HHAT: variants seen among roughly 807,000 people sequenced by gnomAD.
HHAT encodes hedgehog acyltransferase, also known as protein-cysteine N-palmitoyltransferase HHAT.
HHAT carries 47 observed loss-of-function variants against 70.8 expected under a neutral mutation model. The observed-to-expected ratio is 0.66, with a 90% confidence interval of 0.53 to 0.85. The LOEUF (loss-of-function observed/expected upper bound fraction) is 0.85. Among genes scored for constraint, HHAT ranks in the 40% least tolerant of loss-of-function variants. The probability of loss-of-function intolerance (pLI) is 0.00; values close to 1 mark genes in which losing one functional copy is unlikely to be tolerated. For missense variants in HHAT, 609 were observed against 604.8 expected, an observed-to-expected ratio of 1.01 and a Z score of -0.07; for synonymous variants, 228 against 247.6, an observed-to-expected ratio of 0.92 and a Z score of 0.74.
chr1:210,656,978 C>CAA (rs1676569224), intron 11 of HHAT, among the ~76,000 whole-genome samples: 2 of 152,226 alleles, frequency 1.3e-5, no homozygotes, highest in Non-Finnish European at 2.9e-5. Context: ...CACACCCCTT[C>CAA]TTGTACAGGA....
intron 6 of HHAT, among the ~76,000 whole-genome samples, chr1:210,417,854 C>T (rs529240037): frequency 2.0e-5 from 3 of 152,118 alleles, no homozygotes; most frequent in Non-Finnish European, 2.9e-5. Context: ...CTGCCCTCCC[C>T]GCTTGGGTTT....
chr1:210,536,546 A>G (rs540981052), intron 9 of HHAT, among the ~76,000 whole-genome samples: 3 of 152,334 alleles, frequency 2.0e-5, no homozygotes, highest in African/African-American at 4.8e-5. Context: ...CTGCTGTATC[A>G]TTTACAGTGG....
rs556075559 is a variant in HHAT, at chr1:210,456,244, C to T, written c.857-8261C>T. Among the ~76,000 whole-genome samples, 9 of 152,302 alleles carry T rather than the reference C, an allele frequency of 5.9e-5. No individual in the cohort carries two copies. In the South Asian group the frequency reaches 1.7e-3, roughly 28 times the overall value. Reference sequence around the variant, plus strand: ...TCATTTTACCAACATCTGCTTTGTTCGTTTCTAGTTTTAGGGATGTGATTA... The same window carrying T: ...TCATTTTACCAACATCTGCTTTGTTTGTTTCTAGTTTTAGGGATGTGATTA... On this transcript the variant is annotated intron_variant, in intron 7 of 11. Coordinates refer to ENST00000261458, the MANE Select transcript of HHAT (RefSeq NM_018194.6).
At chr1:210,554,648 C>T (rs1321189753) in intron 9 of HHAT, among the ~76,000 whole-genome samples, 4 of 152,112 alleles carry the variant, frequency 2.6e-5, no homozygotes, top group African/African-American at 9.7e-5. Context: ...TGCTAAGATC[C>T]TTTCAATGAG....
chr1:210,449,575 T>C (rs1190096308), intron 7 of HHAT, among the ~76,000 whole-genome samples: 1 of 152,222 alleles, frequency 6.6e-6, no homozygotes, highest in Non-Finnish European at 1.5e-5. Context: ...CTGCTTCCCC[T>C]GAGTCCTCAG....
At chr1:210,544,985 C>T (rs1025857410) in intron 9 of HHAT, among the ~76,000 whole-genome samples, 2 of 152,056 alleles carry the variant, frequency 1.3e-5, no homozygotes, top group Non-Finnish European at 2.9e-5. Context: ...CTACTGTCAC[C>T]TCTTATCTGG....
chr1:210,345,933 G>A (rs1250818455), intron 1 of HHAT, among the ~76,000 whole-genome samples: 2 of 151,576 alleles, frequency 1.3e-5, no homozygotes, highest in South Asian at 4.2e-4. Context: ...GCATTGTGGT[G>A]CATGCCTGTA....
At chr1:210,605,413 G>C (rs1665190106) in intron 10 of HHAT, among the ~76,000 whole-genome samples, 1 of 152,148 alleles carries the variant, frequency 6.6e-6, no homozygotes. Flanking sequence ...TCTCTTTGCT[G>C]CTTATGCATA....
intron 8 of HHAT, among the ~76,000 whole-genome samples, chr1:210,473,449 G>C (rs899573414): frequency 5.9e-5 from 9 of 152,062 alleles, no homozygotes; most frequent in Admixed American, 1.3e-4. Flanking sequence ...CAGTTGATTG[G>C]GGGGCTCAGA....
intron 2 of HHAT, among the ~76,000 whole-genome samples, chr1:210,355,695 C>CT (rs1176250450): frequency 6.6e-6 from 1 of 152,066 alleles, no homozygotes; most frequent in East Asian, 1.9e-4. Flanking sequence ...ATCCTGTTAG[C>CT]TTTATAAAAC....
intron 7 of HHAT, among the ~76,000 whole-genome samples, chr1:210,436,464 A>G (rs922727853): frequency 6.6e-6 from 1 of 151,712 alleles, no homozygotes; most frequent in African/African-American, 2.4e-5. Flanking sequence ...TTGTAGTTCC[A>G]TATGAGTTTT....
chr1:210,391,340 G>C (rs538677839), intron 4 of HHAT, among the ~76,000 whole-genome samples: 1 of 152,248 alleles, frequency 6.6e-6, no homozygotes, highest in South Asian at 2.1e-4. Flanking sequence ...TAGAAAATAT[G>C]ACATAGAATA....
At chr1:210,451,454 T>G (rs1173986017) in intron 7 of HHAT, among the ~76,000 whole-genome samples, 1 of 152,254 alleles carries the variant, frequency 6.6e-6, no homozygotes, top group Non-Finnish European at 1.5e-5. Flanking sequence ...TGACTTTTTT[T>G]CTTTTCTATA....
At chr1:210,351,762 G>T (rs73067743) in intron 2 of HHAT, among the ~76,000 whole-genome samples, 2,292 of 152,248 alleles carry the variant, frequency 0.015, 68 homozygotes, top group African/African-American at 0.052. Context: ...GCTTCATGTG[G>T]CTTACATTTC....
intron 9 of HHAT, among the ~76,000 whole-genome samples, chr1:210,539,692 C>G (rs1378351258): frequency 6.6e-6 from 1 of 152,108 alleles, no homozygotes; most frequent in Non-Finnish European, 1.5e-5. Flanking sequence ...TGCAGAGGGC[C>G]AGAAGCTACG....
intron 8 of HHAT, among the ~76,000 whole-genome samples, chr1:210,497,783 T>G (rs1051525420): frequency 2.0e-5 from 3 of 150,962 alleles, no homozygotes; most frequent in Admixed American, 6.6e-5. Context: ...TTTTTTTTTT[T>G]GAGACAGAGT....
intron 10 of HHAT, among the ~76,000 whole-genome samples, chr1:210,603,994 G>A (rs554991698): frequency 6.6e-5 from 10 of 152,262 alleles, no homozygotes; most frequent in African/African-American, 2.2e-4. Flanking sequence ...GACTGTCTGC[G>A]GAAGGGTGGG....
chr1:210,447,050 A>G (rs2093649622), intron 7 of HHAT, among the ~76,000 whole-genome samples: 1 of 152,146 alleles, frequency 6.6e-6, no homozygotes, highest in Non-Finnish European at 1.5e-5. Flanking sequence ...AAACCCCTTT[A>G]TAGGTTGTTA....
intron 7 of HHAT, among the ~76,000 whole-genome samples, chr1:210,430,645 C>G (rs549722040): frequency 6.6e-6 from 1 of 151,932 alleles, no homozygotes; most frequent in South Asian, 2.1e-4. Context: ...GACAAAAAAT[C>G]ACTGAATGAC....
Sources: gnomAD v4.1 joint callset for allele counts (sites outside exome capture counted in the v4.1 genomes callset) on GRCh38, gnomAD v4.1.1 for gene constraint, MANE v1.5 for transcripts, NCBI Gene and HGNC (gene_info 2026-07-23, HGNC 2026-07-21) for gene names.